Variants in PARD3B observed in about 807,000 individuals in gnomAD.
The protein encoded by PARD3B is partitioning defective 3 homolog B.
PARD3B carries 103 observed loss-of-function variants against 130.2 expected under a neutral mutation model. That is an observed-to-expected ratio of 0.79 (90% CI 0.67 to 0.93). The LOEUF (loss-of-function observed/expected upper bound fraction) is 0.93. Ranked by LOEUF, PARD3B falls within the 40% of genes least tolerant of loss-of-function variation. The pLI, the probability that PARD3B is intolerant of heterozygous loss-of-function variation, is 0.00. For missense variants in PARD3B, 1,609 were observed against 1,499.2 expected (o/e 1.07, Z -1.21); for synonymous variants, 583 against 553.2 (o/e 1.05, Z -0.76).
intron 3 of PARD3B, among the ~76,000 whole-genome samples, chr2:205,013,497 T>C (rs964217176): frequency 1.3e-5 from 2 of 152,154 alleles, no homozygotes; most frequent in Non-Finnish European, 2.9e-5. Context: ...CTCTACACTA[T>C]TGATGCTTTA....
chr2:205,210,773 C>T (rs2125847804), intron 15 of PARD3B, among the ~76,000 whole-genome samples: 1 of 151,958 alleles, frequency 6.6e-6, no homozygotes, highest in South Asian at 2.1e-4. Flanking sequence ...TTTTATTTTA[C>T]TTTTAAAATC....
At chr2:205,477,324 T>A (rs2049059067) in intron 20 of PARD3B, among the ~76,000 whole-genome samples, 2 of 152,186 alleles carry the variant, frequency 1.3e-5, no homozygotes, top group Non-Finnish European at 2.9e-5. Context: ...AGTGGAGATG[T>A]GTGTGGAAGC....
intron 20 of PARD3B, among the ~76,000 whole-genome samples, chr2:205,490,901 T>C (rs1474323685): frequency 6.6e-6 from 1 of 152,228 alleles, no homozygotes; most frequent in Non-Finnish European, 1.5e-5. Context: ...TTTGGCTGAA[T>C]AAATGTCTTT....
chr2:205,077,837 A>G (rs4675490), intron 4 of PARD3B, among the ~76,000 whole-genome samples: 62,215 of 151,944 alleles, frequency 0.41, 13,105 homozygotes, highest in East Asian at 0.56. Context: ...GCTACTAATC[A>G]CTTCATAGCT....
At chr2:205,596,461 G>T (rs1298445183) in intron 22 of PARD3B, among the ~76,000 whole-genome samples, 2 of 152,198 alleles carry the variant, frequency 1.3e-5, no homozygotes, top group Admixed American at 6.5e-5. Flanking sequence ...GGGGCCAACA[G>T]CAGATACTTG....
At position 205,221,902 on chromosome 2, in the gene PARD3B, C is replaced by T. The variant is rs545993069; in HGVS notation, c.2141-23876C>T. Among the ~76,000 whole-genome samples, 47 of 152,052 alleles carry T rather than the reference C, an allele frequency of 3.1e-4. 1 individual carries two copies. In the South Asian group the frequency reaches 9.1e-3, roughly 30 times the overall value. On this transcript the variant is annotated intron_variant, in intron 15 of 22. Coordinates refer to ENST00000406610, the MANE Select transcript of PARD3B (RefSeq NM_001302769.2). ...GAGTATCAACAATTATTTTTAAAAACATTATATGCTGGACACATAGAGGGG... is the reference window on the plus strand; with the variant it reads ...GAGTATCAACAATTATTTTTAAAAATATTATATGCTGGACACATAGAGGGG...
intron 15 of PARD3B, among the ~76,000 whole-genome samples, chr2:205,197,030 GGGGTGTGTGT>G (rs2036724726): frequency 5.9e-5 from 1 of 17,076 alleles, no homozygotes; most frequent in Non-Finnish European, 1.0e-4. Context: ...CTGTGGGGGG[GGGGTGTGTGT>G]GTGTGTGTGT....
chr2:205,444,956 G>A (rs1425609352), intron 20 of PARD3B, among the ~76,000 whole-genome samples: 1 of 151,152 alleles, frequency 6.6e-6, no homozygotes, highest in Non-Finnish European at 1.5e-5. Context: ...GGACCAGAGG[G>A]AGAATTATAA....
At position 204,669,028 on chromosome 2, in the gene PARD3B, T is replaced by G. The variant is rs2036157864; in HGVS notation, c.121-17153T>G. Among the ~76,000 whole-genome samples, 1 of 152,136 alleles carries G rather than the reference T, an allele frequency of 6.6e-6. No individual in the cohort carries two copies. Among genetic ancestry groups the G allele is most frequent in the African/African-American group, 2.4e-5 (1 of 41,440 alleles). Reference sequence around the variant, plus strand: ...AGTTAATGAATCCTCCCTTGGAGCCTCCAGAAAGGAATTCAGGTCCACTCA... The same window carrying G: ...AGTTAATGAATCCTCCCTTGGAGCCGCCAGAAAGGAATTCAGGTCCACTCA... On this transcript the variant is annotated intron_variant, in intron 1 of 22. Coordinates refer to ENST00000406610, the MANE Select transcript of PARD3B (RefSeq NM_001302769.2). The surrounding 1 kb of genome is among the most constrained non-coding windows in gnomAD (Gnocchi z 4.3).
intron 2 of PARD3B, among the ~76,000 whole-genome samples, chr2:204,712,978 C>T (rs2125303391): frequency 1.3e-5 from 2 of 152,164 alleles, no homozygotes; most frequent in Non-Finnish European, 2.9e-5. Flanking sequence ...TTTTTTCAGT[C>T]AATTTATTTT....
At chr2:204,679,342 A>T (rs1467253543) in intron 1 of PARD3B, among the ~76,000 whole-genome samples, 3 of 152,174 alleles carry the variant, frequency 2.0e-5, no homozygotes, top group Non-Finnish European at 4.4e-5. Flanking sequence ...CAGAAGTGGA[A>T]TTGCTGAGTT....
At chr2:205,207,545 G>A (rs1329663043) in intron 15 of PARD3B, among the ~76,000 whole-genome samples, 2 of 141,642 alleles carry the variant, frequency 1.4e-5, no homozygotes, top group Non-Finnish European at 3.1e-5. Flanking sequence ...TATCACCACC[G>A]ATCCCACAGA....
intron 4 of PARD3B, among the ~76,000 whole-genome samples, chr2:205,083,703 T>C (rs1701572898): frequency 6.6e-6 from 1 of 152,082 alleles, no homozygotes; most frequent in South Asian, 2.1e-4. Context: ...TTGTTTTTTA[T>C]ATTCATGTCT....
intron 2 of PARD3B, among the ~76,000 whole-genome samples, chr2:204,709,550 G>A (rs528030742): frequency 6.6e-6 from 1 of 152,044 alleles, no homozygotes; most frequent in African/African-American, 2.4e-5. Context: ...ACTACCTTTG[G>A]CTCTCTTTGA....
chr2:204,909,580 C>T lies in PARD3B; in HGVS notation c.223-55572C>T, dbSNP rs150564006. Among the ~76,000 whole-genome samples, 484 of 152,202 alleles carry T rather than the reference C, an allele frequency of 3.2e-3. 1 individual carries two copies. The highest frequency in any genetic ancestry group is 9.6e-3 in the South Asian group (46 of 4,814). On this transcript the variant is annotated intron_variant, in intron 2 of 22. Coordinates refer to ENST00000406610, the MANE Select transcript of PARD3B (RefSeq NM_001302769.2). ...TTTTCCTACTTCTTAGCTCTGTGAA[C>T]CTAAAAGTGTTCTACTTGTCTTGAA...
chr2:205,400,114 C>T (rs1031703696), intron 18 of PARD3B, among the ~76,000 whole-genome samples: 1 of 152,064 alleles, frequency 6.6e-6, no homozygotes. Flanking sequence ...CACTGGAGCT[C>T]GGGAAGCCTG....
At chr2:205,410,424 C>T (rs924179264) in intron 19 of PARD3B, among the ~76,000 whole-genome samples, 6 of 152,026 alleles carry the variant, frequency 3.9e-5, no homozygotes, top group African/African-American at 7.2e-5. Flanking sequence ...TATTCATTTT[C>T]GTGGCATTGG....
intron 10 of PARD3B, among the ~76,000 whole-genome samples, chr2:205,150,477 T>G: frequency 6.6e-6 from 1 of 152,266 alleles, no homozygotes; most frequent in Non-Finnish European, 1.5e-5. Context: ...ACCAGGATTC[T>G]TGGAGGGAGG....
At chr2:205,218,240 C>A (rs765578108) in intron 15 of PARD3B, among the ~76,000 whole-genome samples, 1 of 151,868 alleles carries the variant, frequency 6.6e-6, no homozygotes, top group South Asian at 2.1e-4. Flanking sequence ...TTCTTCTGAT[C>A]GAAACAGGCA....
Sources: gnomAD v4.1 joint callset for allele counts (sites outside exome capture counted in the v4.1 genomes callset) on GRCh38, gnomAD v4.1.1 for gene constraint, Gnocchi (gnomAD v3.1) non-coding constraint, MANE v1.5 for transcripts, NCBI Gene and HGNC (gene_info 2026-07-23, HGNC 2026-07-21) for gene names.